CDH4: variants seen among roughly 807,000 people sequenced by gnomAD.
CDH4 encodes cadherin-4.
CDH4 carries 33 observed loss-of-function variants against 86.0 expected under a neutral mutation model. The observed-to-expected ratio is 0.38, with a 90% CI of 0.29 to 0.51. The LOEUF (loss-of-function observed/expected upper bound fraction) is 0.51, where lower values mean the gene tolerates loss of function less well. CDH4 is among the 20% of genes least tolerant of loss of function. CDH4 has a pLI of 0.86. For synonymous variants in CDH4, 555 were observed against 549.4 expected (o/e 1.01, Z -0.14); for missense variants, 1,114 against 1,307.4 (o/e 0.85, Z 2.28).
chr20:61,902,176 G>A lies in CDH4; in HGVS notation c.1188+7129G>A, dbSNP rs1344260486. Among the ~76,000 whole-genome samples the A allele has an allele frequency of 7.2e-5, 11 of 152,212 alleles. No individual in the cohort carries two copies. The highest frequency in any genetic ancestry group is 1.0e-4 in the Non-Finnish European group (7 of 68,040). ...CCAGAATCGTGAAAGGCGGGTCCTC[G>A]GCAGGCGTGGAGGCATCGTGGATGG... On this transcript the variant is annotated intron_variant, in intron 8 of 15. Coordinates refer to ENST00000614565, the MANE Select transcript of CDH4 (RefSeq NM_001794.5). The surrounding 1 kb of genome is among the most constrained non-coding windows in gnomAD (Gnocchi z 4.6).
At chr20:61,270,607 TAG>T (rs953785254) in intron 2 of CDH4, among the ~76,000 whole-genome samples, 4 of 152,026 alleles carry the variant, frequency 2.6e-5, no homozygotes, top group African/African-American at 7.3e-5. Flanking sequence ...GCAAAAAAAA[TAG>T]AGTTATGTGC....
chr20:61,748,963 AAAT>A (rs1265942756), intron 3 of CDH4, among the ~76,000 whole-genome samples: 1 of 72,064 alleles, frequency 1.4e-5, no homozygotes, highest in African/African-American at 7.6e-5. Context: ...GGATAAAGAT[AAAT>A]CCAACTATAT....
rs554376343 is a variant in CDH4 at position 61,586,899 on chromosome 20, C to T, written c.170-156664C>T. Among the ~76,000 whole-genome samples, 7 of 152,284 alleles carry T rather than the reference C, an allele frequency of 4.6e-5. No homozygotes were observed. In the South Asian group the frequency reaches 1.2e-3, roughly 27 times the overall value. On this transcript the variant is annotated intron_variant, in intron 2 of 15. Transcript: ENST00000614565. ...TTTAATTTATCATTCCATAAACATC[C>T]GAGTACCTACTGTGTACTAAGCCTG...
At chr20:61,828,189 C>CA (rs1298960577) in intron 4 of CDH4, among the ~76,000 whole-genome samples, 7 of 151,938 alleles carry the variant, frequency 4.6e-5, no homozygotes, top group East Asian at 1.9e-4. Context: ...GCTAACCTCC[C>CA]AAAAAATTGA....
intron 2 of CDH4, among the ~76,000 whole-genome samples, chr20:61,359,704 C>T (rs1185764353): frequency 2.6e-5 from 4 of 152,280 alleles, no homozygotes; most frequent in East Asian, 1.9e-4. Context: ...AGGGAGAAAA[C>T]CTAAAGGCTG....
chr20:61,310,494 C>G (rs530008619), intron 2 of CDH4, among the ~76,000 whole-genome samples: 1 of 152,158 alleles, frequency 6.6e-6, no homozygotes, highest in African/African-American at 2.4e-5. Flanking sequence ...CTCCCATGCG[C>G]GGTTCACAGT....
intron 7 of CDH4, among the ~76,000 whole-genome samples, chr20:61,891,475 C>T (rs181745926): frequency 6.6e-6 from 1 of 152,242 alleles, no homozygotes; most frequent in African/African-American, 2.4e-5. Flanking sequence ...AGTCCTCCCC[C>T]CTTCTCCAGG....
intron 2 of CDH4, among the ~76,000 whole-genome samples, chr20:61,512,624 A>G (rs1292447601): frequency 6.6e-6 from 1 of 152,228 alleles, no homozygotes; most frequent in East Asian, 1.9e-4. Context: ...GTCACTTAGA[A>G]ATGTTCCAAC....
At chr20:61,749,938 G>A (rs1428093948) in intron 3 of CDH4, among the ~76,000 whole-genome samples, 1 of 152,158 alleles carries the variant, frequency 6.6e-6, no homozygotes, top group South Asian at 2.1e-4. Context: ...GCACGCCCCT[G>A]TAATCCCAGC....
intron 2 of CDH4, among the ~76,000 whole-genome samples, chr20:61,426,215 A>C (rs556699928): frequency 6.6e-6 from 1 of 152,364 alleles, no homozygotes; most frequent in African/African-American, 2.4e-5. Context: ...AGTTAAAGGA[A>C]TCATCTCATT....
At chr20:61,871,079 G>GAGAGAC (rs1436068221) in intron 6 of CDH4, among the ~76,000 whole-genome samples, 3 of 151,688 alleles carry the variant, frequency 2.0e-5, no homozygotes, top group African/African-American at 7.3e-5. Context: ...ATATCAGAGA[G>GAGAGAC]AGAGACAGAG....
At chr20:61,475,167 C>T (rs753733430) in intron 2 of CDH4, among the ~76,000 whole-genome samples, 1 of 151,984 alleles carries the variant, frequency 6.6e-6, no homozygotes, top group Non-Finnish European at 1.5e-5. Context: ...CACTTTTTTC[C>T]CCATAATTAC....
intron 2 of CDH4, among the ~76,000 whole-genome samples, chr20:61,624,076 AG>A (rs2086805338): frequency 6.6e-6 from 1 of 152,098 alleles, no homozygotes; most frequent in East Asian, 1.9e-4. Flanking sequence ...TTCTCTCTGG[AG>A]CTGCATTTCC....
rs1413343150 is a variant in CDH4 at position 61,936,410 on chromosome 20, TCTCCCACACCCCCCCCCC to T, written c.2545-325_2545-308del. On this transcript the variant is annotated intron_variant, in intron 15 of 15. Coordinates refer to ENST00000614565, the MANE Select transcript of CDH4 (RefSeq NM_001794.5). ...CCCCTCCCCCACACCCCCTCCCCCC[TCTCCCACACCCCCCCCCC>T]CATCTGCCCTTGGGTTGGGAGGAGC... Among the ~76,000 whole-genome samples the T allele has an allele frequency of 2.4e-3, 6 of 2,542 alleles. 1 individual carries two copies. Among genetic ancestry groups the T allele is most frequent in the South Asian group, 0.036 (1 of 28 alleles). The allele number at this position is 2,542 out of a possible 152,430, so 1.7% of individuals were successfully genotyped here. A position where few individuals can be genotyped will look rare whatever the true frequency, so the allele number is the denominator to read the frequency against.
At chr20:61,674,368 G>A (rs978671975) in intron 2 of CDH4, among the ~76,000 whole-genome samples, 9 of 152,216 alleles carry the variant, frequency 5.9e-5, no homozygotes, top group Non-Finnish European at 5.9e-5. Context: ...CCTTGTGGAA[G>A]CAGCATCAGG....
At chr20:61,472,348 A>G (rs770424330) in intron 2 of CDH4, among the ~76,000 whole-genome samples, 23 of 152,190 alleles carry the variant, frequency 1.5e-4, no homozygotes, top group Non-Finnish European at 1.6e-4. Flanking sequence ...TTCCATTGAC[A>G]TGGAATATCT....
chr20:61,286,174 T>C (rs1418349878), intron 2 of CDH4, among the ~76,000 whole-genome samples: 3 of 152,206 alleles, frequency 2.0e-5, no homozygotes, highest in African/African-American at 2.4e-5. Flanking sequence ...CACTGAACAC[T>C]GAGAGGGGAT....
At chr20:61,748,736 A>G (rs2088449120) in intron 3 of CDH4, among the ~76,000 whole-genome samples, 1 of 152,230 alleles carries the variant, frequency 6.6e-6, no homozygotes, top group Non-Finnish European at 1.5e-5. Flanking sequence ...AAAATGATGG[A>G]AATAACAAAT....
intron 2 of CDH4, among the ~76,000 whole-genome samples, chr20:61,731,287 C>A (rs896282304): frequency 3.9e-5 from 6 of 152,142 alleles, no homozygotes; most frequent in African/African-American, 1.4e-4. Context: ...CCCCTCGGCC[C>A]CCCGGCGGCC....
Sources: allele counts gnomAD v4.1 joint callset (sites outside exome capture counted in the v4.1 genomes callset), GRCh38; gene constraint gnomAD v4.1.1; non-coding constraint Gnocchi (gnomAD v3.1); transcripts MANE v1.5; gene names NCBI Gene and HGNC (gene_info 2026-07-23, HGNC 2026-07-21).